RALGDS: variants seen among roughly 807,000 people sequenced by gnomAD.
The protein encoded by RALGDS is ral guanine nucleotide dissociation stimulator.
RALGDS carries 44 observed loss-of-function variants against 99.8 expected under a neutral mutation model. The observed-to-expected ratio is 0.44, with a 90% CI of 0.35 to 0.57. The LOEUF (loss-of-function observed/expected upper bound fraction) is 0.57, where lower values mean the gene tolerates loss of function less well. Among genes scored for constraint, RALGDS ranks in the 20% least tolerant of loss-of-function variants. The pLI is 0.01. For synonymous variants in RALGDS, 529 were observed against 505.0 expected (o/e 1.05, Z -0.64); for missense variants, 1,022 against 1,203.1 (o/e 0.85, Z 2.23).
upstream of RALGDS, among the ~76,000 whole-genome samples, chr9:133,132,387 G>A (rs538771170): frequency 1.9e-4 from 29 of 152,252 alleles, no homozygotes; most frequent in East Asian, 5.0e-3. Context: ...CTGACTGCCT[G>A]GCCATGTGAC....
intron 10 of RALGDS, 123 bp from the exon 11 acceptor site, chr9:133,103,956 T>C: frequency 1.0e-6 from 1 of 960,550 alleles, no homozygotes; most frequent in Non-Finnish European, 1.7e-6. Context: ...GGGCCCACTG[T>C]CTCCCTGGAC....
At chr9:133,127,906 G>A (rs534810547) in intron 1 of RALGDS, among the ~76,000 whole-genome samples, 3 of 152,372 alleles carry the variant, frequency 2.0e-5, no homozygotes, top group Admixed American at 1.3e-4. Context: ...AAGGTGTGCC[G>A]ATGCCGGGAG....
Position 133,108,664 on chromosome 9 carries a change from C to T in RALGDS, c.778+9G>A. The T allele has an allele frequency of 6.2e-7, 1 of 1,613,076 alleles. No individual in the cohort carries two copies. Among genetic ancestry groups the T allele is most frequent in the Admixed American group, 1.7e-5 (1 of 59,998 alleles). On this transcript the variant is annotated intron_variant, in intron 5 of 17. Coordinates refer to ENST00000372050, the MANE Select transcript of RALGDS (RefSeq NM_006266.4). ...TTCACCCTCTGGCACCCACCCCAGT[C>T]CTCCTCACCCTCAGGCTCTGCCTCA...
At chr9:133,146,124 G>A (rs1832618904) in intron 1 of RALGDS, among the ~76,000 whole-genome samples, 1 of 152,176 alleles carries the variant, frequency 6.6e-6, no homozygotes, top group African/African-American at 2.4e-5. Flanking sequence ...GGCCCCCTGT[G>A]GCATATGGGA....
At chr9:133,132,040 C>T (rs1025432834), upstream of RALGDS, among the ~76,000 whole-genome samples, 1 of 152,216 alleles carries the variant, frequency 6.6e-6, no homozygotes, top group Non-Finnish European at 1.5e-5. Flanking sequence ...GATGCTGCCC[C>T]TGTGCCAGGA....
Position 133,144,657 on chromosome 9 carries a change from G to A in RALGDS, c.18+4306C>T, listed in dbSNP as rs1832594450. Among the ~76,000 whole-genome samples, 2 of 152,200 alleles carry A rather than the reference G, an allele frequency of 1.3e-5. No homozygotes were observed. The highest frequency in any genetic ancestry group is 4.8e-5 in the African/African-American group (2 of 41,454). On this transcript the variant is annotated intron_variant, in intron 1 of 17. Transcript: ENST00000393160. The surrounding 1 kb of genome is among the most constrained non-coding windows in gnomAD (Gnocchi z 4.5). ...TGAGGAGCAGGCGGGCTCCGCTCAC[G>A]CCCCCACACCCCCTGGCTGGGGGCT...
upstream of RALGDS, among the ~76,000 whole-genome samples, chr9:133,121,610 G>A (rs1423636406): frequency 1.3e-5 from 2 of 152,174 alleles, no homozygotes; most frequent in East Asian, 1.9e-4. Context: ...TGGGGAAGCC[G>A]CCCTGGAGTC....
At chr9:133,137,753 C>T (rs942772701) in intron 1 of RALGDS, among the ~76,000 whole-genome samples, 2 of 152,184 alleles carry the variant, frequency 1.3e-5, no homozygotes, top group Non-Finnish European at 2.9e-5. Flanking sequence ...GTCAGGTTGG[C>T]CCTGGTTTAA....
At chr9:133,140,038 C>T (rs1047149207) in intron 1 of RALGDS, among the ~76,000 whole-genome samples, 4 of 150,718 alleles carry the variant, frequency 2.7e-5, no homozygotes, top group African/African-American at 9.8e-5. Flanking sequence ...TGACAGATGA[C>T]AGCACTAGTC....
At chr9:133,141,677 G>A (rs1832525933) in intron 1 of RALGDS, among the ~76,000 whole-genome samples, 2 of 152,250 alleles carry the variant, frequency 1.3e-5, no homozygotes, top group South Asian at 4.1e-4. Context: ...GGCAGTGGCG[G>A]CCTGGTCCTG....
chr9:133,101,151 T>TA (rs1477768990), intron 16 of RALGDS: 2 of 1,171,902 alleles, frequency 1.7e-6, no homozygotes, highest in East Asian at 1.1e-4. Flanking sequence ...CCTGCGGCTC[T>TA]GGTACCAGCC....
At chr9:133,105,825 G>GGCCCCCCC in intron 9 of RALGDS, 107 bp downstream of exon 9, 5 of 87,590 alleles carry the variant, frequency 5.7e-5, no homozygotes, top group South Asian at 2.2e-4. Context: ...CGCCGCCCCA[G>GGCCCCCCC]CCCCCGCCCC....
At position 133,101,979 on chromosome 9, in the gene RALGDS, T is replaced by G. The variant is rs34170541; in HGVS notation, c.2170A>C (p.Ile724Leu). 0.032 allele frequency: 49,735 copies of G among 1,551,748 alleles called. 983 individuals carry two copies. Among genetic ancestry groups the G allele is most frequent in the Non-Finnish European group, 0.039 (45,096 of 1,147,278 alleles). Reference sequence around the variant, plus strand: ...TCAGGAGACTCCGGGACGAAGCTGATGTTGATCTCCTCCACGTCGGAGCTA... The same window carrying G: ...TCAGGAGACTCCGGGACGAAGCTGAGGTTGATCTCCTCCACGTCGGAGCTA... Reference protein sequence around the residue: ...SSSSDVEEINISFVPESPDGQ... With the variant: ...SSSSDVEEINLSFVPESPDGQ... The change falls in exon 15 of 18, where the codon ATC becomes CTC. Residue 724 changes from isoleucine to leucine, a missense_variant. By Grantham distance (5) the Ile-to-Leu change is conservative (BLOSUM62 2). Around this residue, in one of 3 missense-constraint regions of RALGDS, gnomAD observed 825 missense variants for 994.5 expected, o/e 0.83. Transcript: ENST00000372050.
chr9:133,141,772 G>A (rs1033837422), intron 1 of RALGDS, among the ~76,000 whole-genome samples: 10 of 152,366 alleles, frequency 6.6e-5, no homozygotes, highest in African/African-American at 2.4e-4. Context: ...AAACACACAG[G>A]CAGAGGGGTA....
intron 16 of RALGDS, chr9:133,100,770 C>G (rs1369970571): frequency 2.6e-6 from 3 of 1,157,090 alleles, no homozygotes; most frequent in Non-Finnish European, 3.2e-6. Flanking sequence ...AGGGGCCGGC[C>G]AGGATGCTCA....
At chr9:133,118,231 G>A (rs1831714921) in intron 1 of RALGDS, among the ~76,000 whole-genome samples, 2 of 152,200 alleles carry the variant, frequency 1.3e-5, no homozygotes, top group African/African-American at 4.8e-5. Flanking sequence ...ACCCACACAG[G>A]GACAGGCCCT....
At chr9:133,106,096 G>T in intron 8 of RALGDS, 80 bp from the exon 9 acceptor site, 1 of 1,127,400 alleles carries the variant, frequency 8.9e-7, no homozygotes, top group Non-Finnish European at 1.3e-6. Flanking sequence ...TTATTTTAGA[G>T]CTGAAAGACC....
At chr9:133,148,883 C>A in intron 1 of RALGDS, 1 of 1,529,806 alleles carries the variant, frequency 6.5e-7, no homozygotes, top group East Asian at 2.4e-5. Flanking sequence ...CGCCGGGCTC[C>A]CTCCCCCCGG....
At chr9:133,133,249 C>T (rs923172710), upstream of RALGDS, among the ~76,000 whole-genome samples, 4 of 152,220 alleles carry the variant, frequency 2.6e-5, no homozygotes, top group Non-Finnish European at 4.4e-5. Context: ...CAGGGCTACC[C>T]GGGGCAGTGG....
Sources: gnomAD v4.1 joint callset for allele counts (sites outside exome capture counted in the v4.1 genomes callset) on GRCh38, gnomAD v4.1.1 for gene constraint, gnomAD v4.1.1 regional missense constraint, Gnocchi (gnomAD v3.1) non-coding constraint, MANE v1.5 for transcripts, NCBI Gene and HGNC (gene_info 2026-07-23, HGNC 2026-07-21) for gene names.